The following SLC17A3 variants were observed in gnomAD, a reference collection of about 807,000 sequenced individuals.
SLC17A3 encodes sodium-dependent phosphate transport protein 4.
Under a neutral mutation model 60.3 loss-of-function variants are expected in SLC17A3, and 61 were observed. That is an observed-to-expected ratio of 1.01 (90% CI 0.82 to 1.25). The LOEUF (loss-of-function observed/expected upper bound fraction) is 1.25. Ranked by LOEUF, SLC17A3 falls within the 50% of genes most tolerant of loss-of-function variation. SLC17A3 has a pLI of 0.00. For synonymous variants in SLC17A3, 192 were observed against 208.9 expected, an observed-to-expected ratio of 0.92 and a Z score of 0.70; for missense variants, 624 against 594.9, an observed-to-expected ratio of 1.05 and a Z score of -0.51.
At chr6:25,851,313 T>C (rs1319232848) in intron 6 of SLC17A3, among the ~76,000 whole-genome samples, 1 of 152,036 alleles carries the variant, frequency 6.6e-6, no homozygotes, top group Non-Finnish European at 1.5e-5. Flanking sequence ...AAATCCTTAT[T>C]ATACATGTGT....
At position 25,849,864 on chromosome 6, in the gene SLC17A3, G is replaced by A. The variant is rs571118874; in HGVS notation, c.1212C>T (p.Cys404=). The part of the protein sequence containing the change: ...ITATALLTLS[C]GLSTLCQSGI... ...CTGACTGACACAATGTGCTTAATCC[G>A]CAAGAGAGCGTCAGCAAGGCAGTTG... Residue 404 remains cysteine, a synonymous_variant, in exon 10 of 13, where the codon TGC becomes TGT. Transcript: ENST00000397060. 1.7e-5 allele frequency: 27 copies of A among 1,613,966 alleles called. No individual in the cohort carries two copies. The highest frequency in any genetic ancestry group is 4.4e-5 in the South Asian group (4 of 91,082).
At chr6:25,853,404 ATGTT>A (rs1229090697) in intron 6 of SLC17A3, among the ~76,000 whole-genome samples, 16 of 102,606 alleles carry the variant, frequency 1.6e-4, no homozygotes, top group African/African-American at 4.9e-4. Flanking sequence ...TAATTTCTGC[ATGTT>A]TTTTTTTTTT....
intron 5 of SLC17A3, among the ~76,000 whole-genome samples, chr6:25,857,192 A>G: frequency 6.6e-6 from 1 of 152,024 alleles, no homozygotes; most frequent in Admixed American, 6.5e-5. Context: ...TTATCTCAAA[A>G]AAAAAAAAAG....
At chr6:25,849,260 T>G in intron 11 of SLC17A3, 114 bp downstream of exon 11, 1 of 714,130 alleles carries the variant, frequency 1.4e-6, no homozygotes, top group Non-Finnish European at 2.5e-6. Context: ...TTCATCTTAA[T>G]GACAAATTAC....
chr6:25,850,779 T>A lies in SLC17A3; in HGVS notation c.811A>T (p.Ile271Leu). The A allele has an allele frequency of 6.2e-7, 1 of 1,613,688 alleles. No homozygotes were observed. Among genetic ancestry groups the A allele is most frequent in the Non-Finnish European group, 8.5e-7 (1 of 1,179,608 alleles). ...WISTSEKEYIISSLKQQVGSS... is the reference protein window; with the variant it reads ...WISTSEKEYILSSLKQQVGSS... Reference sequence around the variant, plus strand: ...TGTACCTGTTGTTTCAAGGAGGATATGATGTATTCTTTTTCTGAGGTGCTT... The same window carrying A: ...TGTACCTGTTGTTTCAAGGAGGATAAGATGTATTCTTTTTCTGAGGTGCTT... Residue 271 changes from isoleucine to leucine, a missense_variant, in exon 7 of 13, where the codon ATA (isoleucine) becomes TTA (leucine). Ile to Leu is a conservative substitution (Grantham distance 5). Transcript: ENST00000397060.
intron 2 of SLC17A3, among the ~76,000 whole-genome samples, chr6:25,867,086 T>C (rs552231322): frequency 6.6e-6 from 1 of 151,916 alleles, no homozygotes; most frequent in East Asian, 1.9e-4. Flanking sequence ...CCCAGCTCAG[T>C]TGATAGAAAT....
At chr6:25,850,724 A>T (rs760355017) in intron 7 of SLC17A3, 35 bp downstream of exon 7, 6 of 1,604,278 alleles carry the variant, frequency 3.7e-6, no homozygotes, top group Non-Finnish European at 5.1e-6. Flanking sequence ...TCCAGATACA[A>T]GGTCTCAGAA....
chr6:25,845,523 A>C lies in SLC17A3; in HGVS notation c.1363-7T>G. 2 of 1,613,982 alleles carry C rather than the reference A, an allele frequency of 1.2e-6. No homozygotes were observed. The highest frequency in any genetic ancestry group is 2.2e-5 in the South Asian group (2 of 91,080). On this transcript the variant is annotated splice_polypyrimidine_tract_variant and splice_region_variant and intron_variant, in intron 11 of 12. Coordinates refer to ENST00000397060, the MANE Select transcript of SLC17A3 (RefSeq NM_001098486.2). ...TCCACCCAAACTCAGGGTCCTGGAGACACAAAACCCCAAGTATATATTACC... is the reference window on the plus strand; with the variant it reads ...TCCACCCAAACTCAGGGTCCTGGAGCCACAAAACCCCAAGTATATATTACC...
At chr6:25,863,987 A>G in intron 2 of SLC17A3, among the ~76,000 whole-genome samples, 1 of 152,078 alleles carries the variant, frequency 6.6e-6, no homozygotes, top group East Asian at 1.9e-4. Context: ...AGTAAATCAA[A>G]TAATGTATTA....
intron 5 of SLC17A3, among the ~76,000 whole-genome samples, chr6:25,858,745 C>G (rs1765400511): frequency 6.6e-6 from 1 of 152,128 alleles, no homozygotes; most frequent in African/African-American, 2.4e-5. Flanking sequence ...AAATTATAAG[C>G]CAATCTCCAT....
intron 1 of SLC17A3, among the ~76,000 whole-genome samples, chr6:25,873,502 T>C (rs1158695818): frequency 6.6e-6 from 1 of 152,084 alleles, no homozygotes; most frequent in Non-Finnish European, 1.5e-5. Context: ...TTCTCCATTC[T>C]GGCCTTGAGG....
chr6:25,862,606 C>T (rs181724461), intron 2 of SLC17A3, among the ~76,000 whole-genome samples, 162 bp from the exon 3 acceptor site: 1 of 151,628 alleles, frequency 6.6e-6, no homozygotes, highest in Non-Finnish European at 1.5e-5. Flanking sequence ...AAGGAGATCA[C>T]TGAGTTGAGC....
At chr6:25,845,332 T>G (rs757400574) in intron 12 of SLC17A3, 34 bp from the exon 13 acceptor site, 11 of 1,609,858 alleles carry the variant, frequency 6.8e-6, no homozygotes, top group African/African-American at 1.3e-5. Context: ...ATTTAAAACT[T>G]CAGCTGCTTC....
intron 2 of SLC17A3, among the ~76,000 whole-genome samples, 171 bp downstream of exon 2, chr6:25,868,126 C>CTTCTTTTT (rs1765568751): frequency 6.6e-6 from 1 of 151,858 alleles, no homozygotes. Context: ...AAATAAAACA[C>CTTCTTTTT]TTCTTTTTAG....
At chr6:25,863,511 G>C (rs535293268) in intron 2 of SLC17A3, among the ~76,000 whole-genome samples, 1 of 152,200 alleles carries the variant, frequency 6.6e-6, no homozygotes, top group East Asian at 1.9e-4. Context: ...TTTTTTCTGT[G>C]TGGGAAGAAA....
Position 25,868,435 on chromosome 6 carries a change from T to A in SLC17A3, c.-33-15A>T. 6.9e-7 allele frequency: 1 copy of A among 1,448,698 alleles called. No homozygotes were observed. The highest frequency in any genetic ancestry group is 9.7e-7 in the Non-Finnish European group (1 of 1,030,350). 89.7% of individuals were successfully genotyped at this position (1,448,698 alleles called of 1,614,324 possible). A position where few individuals can be genotyped will look rare whatever the true frequency, so the allele number is the denominator to read the frequency against. On this transcript the variant is annotated splice_polypyrimidine_tract_variant and intron_variant, in intron 1 of 12. Transcript: ENST00000397060. The stretch of plus-strand genomic sequence containing the variant: ...ATGGTTTTCACCTATCAGGGAGATA[T>A]GTAATTCACATGCATCAGTTGAGAG...
At chr6:25,857,115 G>A (rs1765369442) in intron 5 of SLC17A3, among the ~76,000 whole-genome samples, 1 of 151,900 alleles carries the variant, frequency 6.6e-6, no homozygotes, top group South Asian at 2.1e-4. Flanking sequence ...CTAGAGCCTA[G>A]GAGTTCAAGG....
At chr6:25,853,979 G>A (rs1765321613) in intron 6 of SLC17A3, among the ~76,000 whole-genome samples, 2 of 152,070 alleles carry the variant, frequency 1.3e-5, no homozygotes, top group South Asian at 4.1e-4. Flanking sequence ...TTGGAAGTAT[G>A]TTGCTAAGTT....
intron 5 of SLC17A3, among the ~76,000 whole-genome samples, chr6:25,861,384 A>G (rs1581527909): frequency 6.6e-6 from 1 of 152,288 alleles, no homozygotes; most frequent in East Asian, 1.9e-4. Context: ...GATCAATTTG[A>G]ACACATAAAA....
Sources: gnomAD v4.1 joint callset for allele counts (sites outside exome capture counted in the v4.1 genomes callset) on GRCh38, gnomAD v4.1.1 for gene constraint, MANE v1.5 for transcripts, NCBI Gene and HGNC (gene_info 2026-07-23, HGNC 2026-07-21) for gene names.